Variants in ARHGAP21 observed in about 807,000 individuals in gnomAD.
The protein encoded by ARHGAP21 is Rho GTPase activating protein 21.
A neutral mutation model predicts 164.6 loss-of-function variants in ARHGAP21; 38 were observed. That is an observed-to-expected ratio of 0.23 (90% CI 0.18 to 0.30). The LOEUF (loss-of-function observed/expected upper bound fraction) is 0.30, where lower values mean the gene tolerates loss of function less well. Ranked by LOEUF, ARHGAP21 falls within the 10% of genes least tolerant of loss-of-function variation. The pLI is 1.00. For missense variants in ARHGAP21, 1,822 were observed against 2,370.7 expected (o/e 0.77, Z 4.81); for synonymous variants, 766 against 857.9 (o/e 0.89, Z 1.87).
chr10:24,652,998 C>A (rs939740071), intron 4 of ARHGAP21, among the ~76,000 whole-genome samples: 1 of 152,116 alleles, frequency 6.6e-6, no homozygotes, highest in African/African-American at 2.4e-5. Context: ...TAGCTAAACA[C>A]TGAAAAAAAT....
intron 2 of ARHGAP21, among the ~76,000 whole-genome samples, chr10:24,706,239 A>T (rs1197215952): frequency 2.0e-5 from 3 of 152,208 alleles, no homozygotes; most frequent in Middle Eastern, 3.2e-3. Context: ...ACTTTTAAGT[A>T]ATTCATTCTA....
intron 7 of ARHGAP21, among the ~76,000 whole-genome samples, chr10:24,624,312 C>T (rs1160906854): frequency 2.1e-5 from 3 of 144,236 alleles, no homozygotes; most frequent in Non-Finnish European, 4.5e-5. Flanking sequence ...ATTAGAATAT[C>T]TGCCTGGGAA....
chr10:24,644,394 A>C (rs1837361823), intron 4 of ARHGAP21, among the ~76,000 whole-genome samples: 1 of 152,174 alleles, frequency 6.6e-6, no homozygotes, highest in Non-Finnish European at 1.5e-5. Context: ...CCTCTAATTC[A>C]GGGTTTCTCA....
rs763011805 is a variant in ARHGAP21 at position 24,619,661 on chromosome 10, C to T, written c.2234G>A (p.Arg745His). The T allele has an allele frequency of 5.6e-6, 9 of 1,614,152 alleles. No homozygotes were observed. Among genetic ancestry groups the T allele is most frequent in the South Asian group, 2.2e-5 (2 of 91,078 alleles). ...VILREKPPSG[R>H]QTPQPLRHQS... ...ATGCCTTAAAGGCTGCGGTGTCTGG[C>T]GTCCAGATGGAGGTTTTTCCCTTAG... The change falls in exon 9 of 26, where the codon CGC becomes CAC. Residue 745 changes from arginine to histidine, a missense_variant. Transcript: ENST00000396432.
At chr10:24,625,116 T>C (rs1834993741) in intron 7 of ARHGAP21, among the ~76,000 whole-genome samples, 2 of 145,244 alleles carry the variant, frequency 1.4e-5, no homozygotes, top group South Asian at 4.4e-4. Flanking sequence ...TCTTTCTTTG[T>C]AATTAGAACT....
chr10:24,593,187 G>A (rs113139251), intron 21 of ARHGAP21, among the ~76,000 whole-genome samples: 114 of 152,254 alleles, frequency 7.5e-4, no homozygotes, highest in African/African-American at 2.6e-3. Flanking sequence ...CACATACAAC[G>A]ACACCATCAG....
intron 24 of ARHGAP21, 70 bp downstream of exon 24, chr10:24,591,154 TG>T: frequency 7.9e-7 from 1 of 1,271,270 alleles, no homozygotes; most frequent in East Asian, 2.4e-5. Flanking sequence ...TCACTATGAT[TG>T]ATTTGCTCTT....
intron 2 of ARHGAP21, among the ~76,000 whole-genome samples, chr10:24,695,106 A>AAAAAAAAAC (rs1843064703): frequency 6.8e-6 from 1 of 147,030 alleles, no homozygotes; most frequent in Non-Finnish European, 1.5e-5. Context: ...ACGAAAAGAA[A>AAAAAAAAAC]GAAAAGAAAC....
At position 24,585,950 on chromosome 10, in the gene ARHGAP21, C is replaced by A; in HGVS notation, c.4339G>T (p.Val1447Leu). The change falls in exon 26 of 26, where the codon GTG becomes TTG. Residue 1447 changes from valine (V) to leucine (L), a missense_variant. Physicochemically the swap from Val to Leu is conservative, Grantham distance 32 (BLOSUM62 1). Transcript: ENST00000396432. Reference protein sequence around the residue: ...LDNVFFKKENVEQCHNDTKEE... With the variant: ...LDNVFFKKENLEQCHNDTKEE... ...TTAGTATCATTGTGACACTGTTCCACATTTTCTTTCTTAAAAAATACATTG... is the reference window on the plus strand; with the variant it reads ...TTAGTATCATTGTGACACTGTTCCAAATTTTCTTTCTTAAAAAATACATTG... 3.1e-6 allele frequency: 5 copies of A among 1,614,162 alleles called. No individual in the cohort carries two copies. Among genetic ancestry groups the A allele is most frequent in the Non-Finnish European group, 4.2e-6 (5 of 1,180,030 alleles).
intron 21 of ARHGAP21, among the ~76,000 whole-genome samples, chr10:24,593,988 A>G (rs1418142097): frequency 1.3e-5 from 2 of 152,140 alleles, no homozygotes; most frequent in Admixed American, 6.5e-5. Flanking sequence ...CACTCTTCTC[A>G]TAATCAATCC....
chr10:24,703,269 G>T (rs928042022), intron 2 of ARHGAP21, among the ~76,000 whole-genome samples: 7 of 152,020 alleles, frequency 4.6e-5, no homozygotes, highest in African/African-American at 1.7e-4. Context: ...TAAATTAATG[G>T]ATTTTTTACT....
At chr10:24,604,670 A>G (rs1256150285) in intron 11 of ARHGAP21, among the ~76,000 whole-genome samples, 4 of 152,096 alleles carry the variant, frequency 2.6e-5, no homozygotes, top group Non-Finnish European at 4.4e-5. Context: ...TGTAGCTGCA[A>G]TGCTATATTA....
chr10:24,599,762 T>C (rs1592968072), intron 14 of ARHGAP21, among the ~76,000 whole-genome samples: 1 of 152,198 alleles, frequency 6.6e-6, no homozygotes, highest in South Asian at 2.1e-4. Context: ...ATCTTTACTA[T>C]TGAAATTCCT....
chr10:24,639,292 T>C (rs1278108358), intron 4 of ARHGAP21, among the ~76,000 whole-genome samples: 4 of 152,192 alleles, frequency 2.6e-5, no homozygotes, highest in African/African-American at 9.7e-5. Flanking sequence ...GACAACCCTA[T>C]ATCCAAGTGA....
At chr10:24,656,547 C>T (rs1838976479) in intron 4 of ARHGAP21, among the ~76,000 whole-genome samples, 1 of 94,434 alleles carries the variant, frequency 1.1e-5, no homozygotes, top group African/African-American at 4.5e-5. Flanking sequence ...CGGCCAGCCG[C>T]CCTGTCCGGG....
chr10:24,718,265 C>T (rs912132315), intron 2 of ARHGAP21, among the ~76,000 whole-genome samples: 2 of 152,130 alleles, frequency 1.3e-5, no homozygotes, highest in South Asian at 2.1e-4. Flanking sequence ...GGAGAGTCAG[C>T]GGTAGCGGTG....
intron 1 of ARHGAP21, chr10:24,723,144 C>G (rs1031605178): frequency 6.6e-6 from 1 of 151,610 alleles, no homozygotes; most frequent in Non-Finnish European, 1.5e-5. Flanking sequence ...CGAGACAAAA[C>G]CGGGGGCCTT....
Position 24,710,801 on chromosome 10 carries a change from C to G in ARHGAP21, c.63+11036G>C, listed in dbSNP as rs527854445. Among the ~76,000 whole-genome samples, 3 of 152,214 alleles carry G rather than the reference C, an allele frequency of 2.0e-5. No homozygotes were observed. The South Asian group carries it at 6.2e-4, about 32-fold the overall frequency. ...AACACAAGTTGCTTCCTTCCTCAATCTCAGTAAGAAAGTAGCTGGTGCGGT... is the reference window on the plus strand; with the variant it reads ...AACACAAGTTGCTTCCTTCCTCAATGTCAGTAAGAAAGTAGCTGGTGCGGT... On this transcript the variant is annotated intron_variant, in intron 2 of 25. Coordinates refer to ENST00000396432, the MANE Select transcript of ARHGAP21 (RefSeq NM_020824.4).
At chr10:24,669,539 T>C (rs1345141901) in intron 3 of ARHGAP21, among the ~76,000 whole-genome samples, 3 of 152,334 alleles carry the variant, frequency 2.0e-5, no homozygotes, top group East Asian at 1.9e-4. Flanking sequence ...CAACTACTTA[T>C]CTGTTTTATG....
Sources: gnomAD v4.1 joint callset for allele counts (sites outside exome capture counted in the v4.1 genomes callset) on GRCh38, gnomAD v4.1.1 for gene constraint, MANE v1.5 for transcripts, NCBI Gene and HGNC (gene_info 2026-07-23, HGNC 2026-07-21) for gene names.